The following OGFRL1 variants were observed in gnomAD, a reference collection of about 807,000 sequenced individuals.
The protein encoded by OGFRL1 is opioid growth factor receptor-like protein 1.
OGFRL1 carries 26 observed loss-of-function variants against 32.4 expected under a neutral mutation model. That is an observed-to-expected ratio of 0.80 (90% CI 0.59 to 1.11). OGFRL1 has a LOEUF of 1.11. Ranked by LOEUF, OGFRL1 falls within the 50% of genes most tolerant of loss-of-function variation. OGFRL1 has a pLI of 0.00. For synonymous variants in OGFRL1, 211 were observed against 201.2 expected (o/e 1.05, Z -0.41); for missense variants, 521 against 546.4 (o/e 0.95, Z 0.46).
intron 1 of OGFRL1, among the ~76,000 whole-genome samples, chr6:71,290,556 G>C (rs1195174095): frequency 2.6e-5 from 4 of 152,170 alleles, no homozygotes; most frequent in Admixed American, 2.6e-4. Context: ...CCAGTAACTA[G>C]TAGACTACAC....
chr6:71,308,479 G>A lies in OGFRL1; in HGVS notation c.*6430G>A, dbSNP rs1448651792. 1 of 152,172 alleles carries A rather than the reference G, an allele frequency of 6.6e-6. No homozygotes were observed. Among genetic ancestry groups the A allele is most frequent in the East Asian group, 1.9e-4 (1 of 5,196 alleles). The allele number at this position is 152,172 out of a possible 1,614,324, so 9.4% of individuals were successfully genotyped here. ...TGTATTTTAAATATTTCAGGAAAATGCCTACGATTGTTACAAAGATGTGTG... is the reference window on the plus strand; with the variant it reads ...TGTATTTTAAATATTTCAGGAAAATACCTACGATTGTTACAAAGATGTGTG... On this transcript the variant is annotated 3_prime_UTR_variant, in exon 7 of 7. Transcript: ENST00000370435.
rs754718119 is a variant in OGFRL1, at chr6:71,301,915, G to C, written c.1222G>C (p.Glu408Gln). 3.5e-5 allele frequency: 57 copies of C among 1,613,724 alleles called. No homozygotes were observed. Among genetic ancestry groups the C allele is most frequent in the Non-Finnish European group, 4.2e-5 (49 of 1,179,986 alleles). The part of the protein sequence containing the change: ...SNAENMNSQP[E>Q]KTVTTPTEKK... ...TGCTGAGAACATGAATTCTCAACCT[G>C]AGAAAACAGTTACTACTCCCACAGA... Residue 408 changes from glutamate (E) to glutamine (Q), a missense_variant, in exon 7 of 7, where the codon GAG becomes CAG. Transcript: ENST00000370435.
Position 71,293,602 on chromosome 6 carries a change from A to G in OGFRL1, c.391A>G (p.Lys131Glu). 2 of 1,604,888 alleles carry G rather than the reference A, an allele frequency of 1.2e-6. No homozygotes were observed. The highest frequency in any genetic ancestry group is 1.7e-6 in the Non-Finnish European group (2 of 1,171,972). The change falls in exon 3 of 7, where the codon AAG (lysine) becomes GAG (glutamate). Residue 131 changes from lysine (K) to glutamate (E), a missense_variant. By Grantham distance (56) the Lys-to-Glu change is moderately conservative. Coordinates refer to ENST00000370435, the MANE Select transcript of OGFRL1 (RefSeq NM_024576.5). ...TTTTTATAAGAATAAAATTCCATTC[A>G]AGCCAGATGGTGAGTAACGTACTAC... ...LRFYKNKIPF[K>E]PDGVYIEEVL...
At position 71,289,002 on chromosome 6, in the gene OGFRL1, C is replaced by G; in HGVS notation, c.66C>G (p.Thr22=). 7.2e-7 allele frequency: 1 copy of G among 1,386,928 alleles called. No individual in the cohort carries two copies. 85.9% of individuals were successfully genotyped at this position (1,386,928 alleles called of 1,614,324 possible). Residue 22 remains threonine, a synonymous_variant, in exon 1 of 7, where the codon ACC becomes ACG. Coordinates refer to ENST00000370435, the MANE Select transcript of OGFRL1 (RefSeq NM_024576.5). The stretch of plus-strand genomic sequence containing the variant: ...CCACCGTGGAGGACTGCGACTCCAC[C>G]TGGCAGACCGACTCGGAGCCCGAGC... ...EPTTVEDCDS[T]WQTDSEPEPE... is the part of the protein sequence containing the mutation.
chr6:71,298,038 A>G (rs976143244), intron 6 of OGFRL1, among the ~76,000 whole-genome samples: 7 of 144,112 alleles, frequency 4.9e-5, no homozygotes, highest in Non-Finnish European at 1.0e-4. Context: ...AGATGGGTAT[A>G]AATATTAATG....
intron 1 of OGFRL1, among the ~76,000 whole-genome samples, chr6:71,289,970 G>T (rs759012156): frequency 2.1e-4 from 32 of 152,144 alleles, no homozygotes; most frequent in Non-Finnish European, 4.1e-4. Flanking sequence ...ATCAGCTAGG[G>T]GCGATGGAGA....
rs1353672251 is a variant in OGFRL1, at chr6:71,306,722, GACTA to G, written c.*4678_*4681del. The G allele has an allele frequency of 4.6e-5, 7 of 152,234 alleles. No homozygotes were observed. The highest frequency in any genetic ancestry group is 1.3e-4 in the Admixed American group (2 of 15,282). 9.4% of individuals were successfully genotyped at this position (152,234 alleles called of 1,614,324 possible). ...GACAAAACGTGTTTAGAGTAAGAAA[GACTA>G]ACTATACTGTCTGTTATATTTATTT... On this transcript the variant is annotated 3_prime_UTR_variant, in exon 7 of 7. Coordinates refer to ENST00000370435, the MANE Select transcript of OGFRL1 (RefSeq NM_024576.5).
At chr6:71,289,585 TC>T in intron 1 of OGFRL1, 2 of 680,032 alleles carry the variant, frequency 2.9e-6, no homozygotes, top group African/African-American at 2.6e-5. Context: ...AAAAAATTAC[TC>T]AGAATAAGGT....
intron 1 of OGFRL1, chr6:71,289,606 A>C: frequency 1.0e-6 from 1 of 980,682 alleles, no homozygotes. Context: ...TGGGGCTACA[A>C]GTGCAAGCAG....
chr6:71,296,804 C>A lies in OGFRL1; in HGVS notation c.679C>A (p.Gln227Lys). The change falls in exon 6 of 7, where the codon CAG (glutamine) becomes AAG (lysine). Residue 227 changes from glutamine (Q) to lysine (K), a missense_variant. Physicochemically the swap from Gln to Lys is moderately conservative, Grantham distance 53. Coordinates refer to ENST00000370435, the MANE Select transcript of OGFRL1 (RefSeq NM_024576.5). ...GGCTGTTAACTGGCAGGAAAGATTT[C>A]AGCATCTGAATGAGTAAGTAAAGCC... ...ARAVNWQERF[Q>K]HLNESQHNYL... 1 of 1,613,024 alleles carries A rather than the reference C, an allele frequency of 6.2e-7. No homozygotes were observed. The highest frequency in any genetic ancestry group is 8.5e-7 in the Non-Finnish European group (1 of 1,179,440).
At position 71,288,985 on chromosome 6, in the gene OGFRL1, G is replaced by C; in HGVS notation, c.49G>C (p.Glu17Gln). The C allele has an allele frequency of 7.2e-7, 1 of 1,394,998 alleles. No homozygotes were observed. Among genetic ancestry groups the C allele is most frequent in the Non-Finnish European group, 9.4e-7 (1 of 1,058,762 alleles). The allele number at this position is 1,394,998 out of a possible 1,614,324, so 86.4% of individuals were successfully genotyped here. ...CAGCTTCCGCGAGCCCACCACCGTG[G>C]AGGACTGCGACTCCACCTGGCAGAC... ...GVSFREPTTV[E>Q]DCDSTWQTDS... Residue 17 changes from glutamate to glutamine, a missense_variant, in exon 1 of 7, where the codon GAG becomes CAG. By Grantham distance (29) the Glu-to-Gln change is conservative (BLOSUM62 2). Transcript: ENST00000370435.
At chr6:71,297,511 T>C (rs1412804857) in intron 6 of OGFRL1, among the ~76,000 whole-genome samples, 1 of 152,080 alleles carries the variant, frequency 6.6e-6, no homozygotes, top group African/African-American at 2.4e-5. Flanking sequence ...CACTGTCTAT[T>C]TTCTTTTTAA....
In OGFRL1 at chr6:71,307,041, T is replaced by G. The variant is rs1263212162; in HGVS notation, c.*4992T>G. ...TGTCATTTTTTTTCCTATTCTGTTG[T>G]GAAGTTTATTGTTTCAGTTATTTGA... On this transcript the variant is annotated 3_prime_UTR_variant, in exon 7 of 7. Transcript: ENST00000370435. 6.6e-6 allele frequency: 1 copy of G among 152,200 alleles called. No individual in the cohort carries two copies. The highest frequency in any genetic ancestry group is 2.4e-5 in the African/African-American group (1 of 41,442). The allele number at this position is 152,200 out of a possible 1,614,324, so 9.4% of individuals were successfully genotyped here. A position where few individuals can be genotyped will look rare whatever the true frequency, so the allele number is the denominator to read the frequency against.
chr6:71,290,123 G>C lies in OGFRL1; in HGVS notation c.234+953G>C, dbSNP rs548042977. 3.9e-5 allele frequency among the ~76,000 whole-genome samples: 6 copies of C among 152,236 alleles called. No homozygotes were observed. In the South Asian group the frequency reaches 1.2e-3, roughly 32 times the overall value. On this transcript the variant is annotated intron_variant, in intron 1 of 6. Coordinates refer to ENST00000370435, the MANE Select transcript of OGFRL1 (RefSeq NM_024576.5). ...AGGAAATCATAAAGTCTTAGTGCAG[G>C]CTCTGTGTTAAACGTGTTATTTAAA...
chr6:71,293,508 ATTGAT>A lies in OGFRL1; in HGVS notation c.322-22_322-18del. 1 of 1,597,584 alleles carries A rather than the reference ATTGAT, an allele frequency of 6.3e-7. No homozygotes were observed. The highest frequency in any genetic ancestry group is 8.6e-7 in the Non-Finnish European group (1 of 1,166,452). ...TTTACTGTATTTCTATGTGCTGGAG[ATTGAT>A]TTATTTTTTCCTTTAGCAGAACTTC... On this transcript the variant is annotated intron_variant, in intron 2 of 6. Transcript: ENST00000370435.
rs973699995 is a variant in OGFRL1 at position 71,307,678 on chromosome 6, A to G, written c.*5629A>G. 6.7e-6 allele frequency: 1 copy of G among 148,910 alleles called. No homozygotes were observed. Among genetic ancestry groups the G allele is most frequent in the Non-Finnish European group, 1.5e-5 (1 of 65,758 alleles). The allele number at this position is 148,910 out of a possible 1,614,324, so 9.2% of individuals were successfully genotyped here. ...GGTTTGTCATAGTTTTACTTTTTAA[A>G]TTATACTTTGTGTAACAATTTACGT... On this transcript the variant is annotated 3_prime_UTR_variant, in exon 7 of 7. Transcript: ENST00000370435.
intron 1 of OGFRL1, 61 bp downstream of exon 1, chr6:71,289,231 A>T (rs1765961090): frequency 1.9e-6 from 2 of 1,032,434 alleles, no homozygotes; most frequent in Non-Finnish European, 2.3e-6. Context: ...CAGAGGGGCA[A>T]GTGCCAAGCC....
At chr6:71,293,438 T>G in intron 2 of OGFRL1, 59 bp downstream of exon 2, 1 of 1,584,174 alleles carries the variant, frequency 6.3e-7, no homozygotes, top group Non-Finnish European at 8.6e-7. Flanking sequence ...GTTTTTAAAT[T>G]TTTATGGTGC....
Position 71,288,938 on chromosome 6 carries a change from TG to T in OGFRL1, c.5del (p.Gly2?). On this transcript the variant is annotated frameshift_variant and start_lost, in exon 1 of 7. Transcript: ENST00000370435. LOFTEE classifies it high-confidence loss of function. ...CCCGCGCCCGCCGCCGCCTCTTCAATGGGCAACCTGCTCGGCGGGGTCAGCT... is the reference window on the plus strand; with the variant it reads ...CCCGCGCCCGCCGCCGCCTCTTCAATGGCAACCTGCTCGGCGGGGTCAGCT... MGNLLGGVSFR... is the reference protein window; with the variant it reads XGNLLGGVSFR... 1 of 1,363,222 alleles carries T rather than the reference TG, an allele frequency of 7.3e-7. No homozygotes were observed. The highest frequency in any genetic ancestry group is 9.6e-7 in the Non-Finnish European group (1 of 1,041,798). The allele number at this position is 1,363,222 out of a possible 1,614,324, so 84.4% of individuals were successfully genotyped here. A position where few individuals can be genotyped will look rare whatever the true frequency, so the allele number is the denominator to read the frequency against.
Sources: allele counts gnomAD v4.1 joint callset (sites outside exome capture counted in the v4.1 genomes callset), GRCh38; gene constraint gnomAD v4.1.1; transcripts MANE v1.5; gene names NCBI Gene and HGNC (gene_info 2026-07-23, HGNC 2026-07-21).